Variants in DSG1 observed in about 807,000 individuals in gnomAD.
The protein encoded by DSG1 is desmoglein 1, also known as desmoglein-1.
A neutral mutation model predicts 97.5 loss-of-function variants in DSG1; 39 were observed. The ratio of observed to expected loss-of-function variants is 0.40; its 90% CI spans 0.31 to 0.52. DSG1 has a LOEUF of 0.52. DSG1 is among the 20% of genes least tolerant of loss of function. The pLI is 0.53. For synonymous variants in DSG1, 475 were observed against 443.4 expected (o/e 1.07, Z -0.90); for missense variants, 1,311 against 1,295.4 (o/e 1.01, Z -0.18).
chr18:31,346,078 T>G lies in DSG1; in HGVS notation c.1980T>G (p.Val660=). The G allele has an allele frequency of 6.2e-7, 1 of 1,613,904 alleles. No homozygotes were observed. The highest frequency in any genetic ancestry group is 8.5e-7 in the Non-Finnish European group (1 of 1,179,852). The change falls in exon 14 of 15, where the codon GTT becomes GTG. Residue 660 remains valine (V), a synonymous_variant. Coordinates refer to ENST00000257192, the MANE Select transcript of DSG1 (RefSeq NM_001942.4). ...CAGGATTTGAACTAACAGAGGGAGTTAAAACTTCAGGAATGCCTGAGATAT... is the reference window on the plus strand; with the variant it reads ...CAGGATTTGAACTAACAGAGGGAGTGAAAACTTCAGGAATGCCTGAGATAT... ...RMTGFELTEG[V]KTSGMPEICQ...
In DSG1 at chr18:31,342,724, T is replaced by C. The variant is rs183082626; in HGVS notation, c.1688-726T>C. Among the ~76,000 whole-genome samples, 29 of 152,190 alleles carry C rather than the reference T, an allele frequency of 1.9e-4. No individual in the cohort carries two copies. The East Asian group carries it at 5.6e-3, about 29-fold the overall frequency. On this transcript the variant is annotated intron_variant, in intron 11 of 14. Transcript: ENST00000257192. ...TGGAAGCATGAATAAGATTTTACTG[T>C]TGAAATAAAGGCAAGCATATGTTAA... is the stretch of plus-strand genomic sequence containing the variant.
Position 31,356,779 on chromosome 18 carries a change from T to C in DSG1, c.*1433T>C, listed in dbSNP as rs2071962678. Reference sequence around the variant, plus strand: ...TGATTTATAGGTAGTGTCCAAATTATATAGTATAACATATTTTTCTAGTTT... The same window carrying C: ...TGATTTATAGGTAGTGTCCAAATTACATAGTATAACATATTTTTCTAGTTT... On this transcript the variant is annotated 3_prime_UTR_variant, in exon 15 of 15. Coordinates refer to ENST00000257192, the MANE Select transcript of DSG1 (RefSeq NM_001942.4). 1 of 152,184 alleles carries C rather than the reference T, an allele frequency of 6.6e-6. No homozygotes were observed. Among genetic ancestry groups the C allele is most frequent in the Non-Finnish European group, 1.5e-5 (1 of 68,014 alleles). 9.4% of individuals were successfully genotyped at this position (152,184 alleles called of 1,614,324 possible). A position where few individuals can be genotyped will look rare whatever the true frequency, so the allele number is the denominator to read the frequency against.
chr18:31,329,200 CT>C (rs1410078770), intron 4 of DSG1, among the ~76,000 whole-genome samples: 1 of 152,086 alleles, frequency 6.6e-6, no homozygotes, highest in Non-Finnish European at 1.5e-5. Flanking sequence ...TTCTGTCTCC[CT>C]TCTGCTGGCT....
At chr18:31,333,906 A>C in intron 7 of DSG1, 111 bp from the exon 8 acceptor site, 1 of 1,132,302 alleles carries the variant, frequency 8.8e-7, no homozygotes, top group Non-Finnish European at 1.3e-6. Context: ...TGAGATGAAA[A>C]CCACAGATAT....
intron 11 of DSG1, among the ~76,000 whole-genome samples, 188 bp downstream of exon 11, chr18:31,340,213 G>T (rs1300052270): frequency 6.6e-6 from 1 of 152,058 alleles, no homozygotes; most frequent in Admixed American, 6.6e-5. Flanking sequence ...TTCTAAGACT[G>T]TGGAGGATAA....
At chr18:31,332,373 C>T (rs1395125624) in intron 6 of DSG1, among the ~76,000 whole-genome samples, 1 of 152,052 alleles carries the variant, frequency 6.6e-6, no homozygotes. Context: ...CTATTGATAG[C>T]TCACCCATTC....
chr18:31,359,090 G>A lies in DSG1; in HGVS notation c.*3744G>A, dbSNP rs1369522393. On this transcript the variant is annotated 3_prime_UTR_variant, in exon 15 of 15. Coordinates refer to ENST00000257192, the MANE Select transcript of DSG1 (RefSeq NM_001942.4). ...TTTTAAAATTCTAATATTCATCTCT[G>A]GTGGTGTTTAACACAAGGTTCTCTT... 6.6e-6 allele frequency among the ~76,000 whole-genome samples: 1 copy of A among 151,966 alleles called. No individual in the cohort carries two copies. Among genetic ancestry groups the A allele is most frequent in the Non-Finnish European group, 1.5e-5 (1 of 67,958 alleles).
chr18:31,326,199 T>G (rs1268831164), intron 1 of DSG1, among the ~76,000 whole-genome samples: 1 of 152,026 alleles, frequency 6.6e-6, no homozygotes, highest in African/African-American at 2.4e-5. Flanking sequence ...TAAAAAGAAC[T>G]TTTTTATATT....
intron 1 of DSG1, among the ~76,000 whole-genome samples, chr18:31,321,699 C>T (rs1333924861): frequency 6.6e-6 from 1 of 152,180 alleles, no homozygotes; most frequent in Admixed American, 6.5e-5. Context: ...AACTAAAGCA[C>T]TGAAGAATGC....
intron 3 of DSG1, 31 bp downstream of exon 3, chr18:31,327,036 A>G: frequency 1.2e-6 from 2 of 1,613,230 alleles, no homozygotes; most frequent in Non-Finnish European, 1.7e-6. Flanking sequence ...ATAACATTGA[A>G]AATCAGAATG....
At chr18:31,341,441 C>G (rs1470118757) in intron 11 of DSG1, among the ~76,000 whole-genome samples, 1 of 152,190 alleles carries the variant, frequency 6.6e-6, no homozygotes, top group Non-Finnish European at 1.5e-5. Flanking sequence ...TTAAATAACT[C>G]ATGTTTTTGA....
chr18:31,336,509 A>G lies in DSG1; in HGVS notation c.1161A>G (p.Pro387=). The change falls in exon 9 of 15, where the codon CCA becomes CCG. Residue 387 remains proline (P), a synonymous_variant. Transcript: ENST00000257192. ...TAATTGAAGGCCCAGTGTTTCGTCC[A>G]GGTTCAAAGACATATGTTGTAACTG... is the stretch of plus-strand genomic sequence containing the variant. ...LNVIEGPVFR[P]GSKTYVVTGN... is the part of the protein sequence containing the mutation. The G allele has an allele frequency of 6.2e-7, 1 of 1,614,032 alleles. No individual in the cohort carries two copies. The highest frequency in any genetic ancestry group is 1.1e-5 in the South Asian group (1 of 91,086).
At chr18:31,347,433 T>C (rs2071849092) in intron 14 of DSG1, among the ~76,000 whole-genome samples, 1 of 152,194 alleles carries the variant, frequency 6.6e-6, no homozygotes, top group Non-Finnish European at 1.5e-5. Context: ...CTGTGTTGTC[T>C]GTCTCACTCA....
chr18:31,352,329 T>G (rs1394507580), intron 14 of DSG1, among the ~76,000 whole-genome samples: 1 of 150,314 alleles, frequency 6.7e-6, no homozygotes, highest in Non-Finnish European at 1.5e-5. Context: ...GGGTTTCTGC[T>G]GAGAGATCTG....
intron 14 of DSG1, among the ~76,000 whole-genome samples, chr18:31,352,028 A>T (rs1598716352): frequency 2.0e-5 from 3 of 150,356 alleles, no homozygotes; most frequent in African/African-American, 4.9e-5. Context: ...TTAGCTGGTT[A>T]TTTTGCTCGT....
chr18:31,349,396 G>A (rs1163760604), intron 14 of DSG1, among the ~76,000 whole-genome samples: 11 of 150,830 alleles, frequency 7.3e-5, no homozygotes, highest in Non-Finnish European at 1.6e-4. Context: ...AAGTCAGGTA[G>A]TGTGATGCCT....
chr18:31,321,978 G>C, intron 1 of DSG1, among the ~76,000 whole-genome samples: 1 of 152,148 alleles, frequency 6.6e-6, no homozygotes, highest in Middle Eastern at 3.2e-3. Flanking sequence ...CCAGTGCTGG[G>C]TCATGCCACC....
At chr18:31,347,860 A>G (rs2071854565) in intron 14 of DSG1, 1 of 152,070 alleles carries the variant, frequency 6.6e-6, no homozygotes, top group Non-Finnish European at 1.5e-5. Context: ...ACCCAACTCA[A>G]CTATGAACTA....
chr18:31,338,547 C>T, intron 10 of DSG1, 93 bp downstream of exon 10: 1 of 1,409,008 alleles, frequency 7.1e-7, no homozygotes, highest in East Asian at 2.4e-5. Context: ...TGAAGTAACC[C>T]CTTTCCAACA....
Sources: gnomAD v4.1 joint callset for allele counts (sites outside exome capture counted in the v4.1 genomes callset) on GRCh38, gnomAD v4.1.1 for gene constraint, MANE v1.5 for transcripts, NCBI Gene and HGNC (gene_info 2026-07-23, HGNC 2026-07-21) for gene names.